Variants in SLC44A5 observed in about 807,000 individuals in gnomAD.
SLC44A5 encodes choline transporter-like protein 5.
SLC44A5 carries 57 observed loss-of-function variants against 101.8 expected under a neutral mutation model. The ratio of observed to expected loss-of-function variants is 0.56; its 90% CI spans 0.45 to 0.70. The LOEUF is 0.70. Among genes scored for constraint, SLC44A5 ranks in the 30% least tolerant of loss-of-function variants. SLC44A5 has a pLI of 0.00. For synonymous variants in SLC44A5, 281 were observed against 290.9 expected, an observed-to-expected ratio of 0.97 and a Z score of 0.35; for missense variants, 737 against 853.1, an observed-to-expected ratio of 0.86 and a Z score of 1.70.
At position 75,256,388 on chromosome 1, in the gene SLC44A5, A is replaced by C. The variant is rs549529360; in HGVS notation, c.261-5094T>G. On this transcript the variant is annotated intron_variant, in intron 6 of 23. Coordinates refer to ENST00000370859, the MANE Select transcript of SLC44A5 (RefSeq NM_001130058.2). ...CCAAGAAAAACCTTGTGGGTAAACAAAACATTATGTTAGAAAGTCACTATG... is the reference window on the plus strand; with the variant it reads ...CCAAGAAAAACCTTGTGGGTAAACACAACATTATGTTAGAAAGTCACTATG... Among the ~76,000 whole-genome samples the C allele has an allele frequency of 1.4e-3, 208 of 152,276 alleles. 1 individual carries two copies. The highest frequency in any genetic ancestry group is 3.1e-3 in the Admixed American group (47 of 15,300).
At chr1:75,238,385 CATATATATATATATATAT>C (rs71081318) in intron 10 of SLC44A5, 110 bp downstream of exon 10, 6 of 215,526 alleles carry the variant, frequency 2.8e-5, no homozygotes, top group African/African-American at 1.0e-4. Flanking sequence ...ACGTATATTT[CATATATATATATATATAT>C]ATATATATAT....
intron 5 of SLC44A5, among the ~76,000 whole-genome samples, chr1:75,295,395 G>A (rs540478406): frequency 6.6e-6 from 1 of 152,092 alleles, no homozygotes; most frequent in South Asian, 2.1e-4. Context: ...AGACTAACTT[G>A]CTTTAAGAGA....
chr1:75,616,915 C>T, the SLC44A5 span, among the ~76,000 whole-genome samples: 1 of 152,170 alleles, frequency 6.6e-6, no homozygotes, highest in African/African-American at 2.4e-5. Context: ...CCAGCAGAAA[C>T]TTGGTTACAG....
intron 15 of SLC44A5, 44 bp downstream of exon 15, chr1:75,219,756 T>C (rs1376842503): frequency 8.2e-7 from 1 of 1,216,354 alleles, no homozygotes; most frequent in Non-Finnish European, 1.2e-6. Context: ...TCACGAGTAG[T>C]CATGTGAACC....
chr1:75,203,695 A>G lies in SLC44A5; in HGVS notation c.*32T>C, dbSNP rs2100414523. On this transcript the variant is annotated 3_prime_UTR_variant, in exon 24 of 24. Coordinates refer to ENST00000370859, the MANE Select transcript of SLC44A5 (RefSeq NM_001130058.2). ...AGACACAGCAGATGGAGAAAAGGTA[A>G]CACACAGCTGTAGGACGACCAGTTT... The G allele has an allele frequency of 6.5e-7, 1 of 1,534,400 alleles. No individual in the cohort carries two copies. The highest frequency in any genetic ancestry group is 2.5e-5 in the East Asian group (1 of 40,454).
chr1:75,667,350 C>T, the SLC44A5 span, among the ~76,000 whole-genome samples: 1 of 151,966 alleles, frequency 6.6e-6, no homozygotes, highest in Non-Finnish European at 1.5e-5. Context: ...GAATAAAATA[C>T]CTAGGAATCC....
chr1:75,297,709 A>G (rs1654075831), intron 5 of SLC44A5, among the ~76,000 whole-genome samples: 1 of 152,234 alleles, frequency 6.6e-6, no homozygotes, highest in South Asian at 2.1e-4. Flanking sequence ...AATTAGTACA[A>G]TAATTGAATA....
chr1:75,614,386 T>C (rs150111284), upstream of SLC44A5, among the ~76,000 whole-genome samples: 91 of 152,348 alleles, frequency 6.0e-4, no homozygotes, highest in East Asian at 0.017. Context: ...TTGTCATACA[T>C]AGGTTATAAT....
chr1:75,204,349 A>T (rs1646713811), intron 23 of SLC44A5: 1 of 152,204 alleles, frequency 6.6e-6, no homozygotes, highest in Admixed American at 6.5e-5. Context: ...CTCAAAAACA[A>T]TGCTCATTTT....
chr1:75,277,383 A>G (rs1395038590), intron 5 of SLC44A5, among the ~76,000 whole-genome samples: 1 of 152,200 alleles, frequency 6.6e-6, no homozygotes. Context: ...TGAATGGTAT[A>G]GATAGCTGCA....
chr1:75,559,777 C>A (rs1014297642), intron 1 of SLC44A5, among the ~76,000 whole-genome samples: 4 of 151,980 alleles, frequency 2.6e-5, no homozygotes, highest in African/African-American at 7.2e-5. Flanking sequence ...AAAATACTTG[C>A]AAGTCATATA....
chr1:75,222,521 C>G, intron 13 of SLC44A5, 61 bp from the exon 14 acceptor site: 2 of 957,758 alleles, frequency 2.1e-6, no homozygotes, highest in East Asian at 4.9e-5. Context: ...CAAACCTTCC[C>G]TGCAAATGCT....
intron 1 of SLC44A5, among the ~76,000 whole-genome samples, chr1:75,594,810 T>C (rs993344034): frequency 2.0e-5 from 3 of 151,776 alleles, no homozygotes; most frequent in Admixed American, 6.6e-5. Flanking sequence ...AAAGAAAGAT[T>C]ATTAAACTAA....
chr1:75,239,566 C>T (rs1366159868), intron 9 of SLC44A5, among the ~76,000 whole-genome samples: 1 of 152,028 alleles, frequency 6.6e-6, no homozygotes, highest in African/African-American at 2.4e-5. Flanking sequence ...CACCTCTAGC[C>T]TCTGCTGCAC....
intron 1 of SLC44A5, among the ~76,000 whole-genome samples, chr1:75,580,473 C>A (rs1201409368): frequency 2.0e-5 from 3 of 152,156 alleles, no homozygotes; most frequent in Non-Finnish European, 4.4e-5. Context: ...CACATACAAA[C>A]AAGTTTGTTA....
At chr1:75,272,202 T>A (rs977139446) in intron 6 of SLC44A5, among the ~76,000 whole-genome samples, 3 of 152,168 alleles carry the variant, frequency 2.0e-5, no homozygotes, top group African/African-American at 7.2e-5. Context: ...TACTTGTAGA[T>A]TATGGACACT....
intron 2 of SLC44A5, among the ~76,000 whole-genome samples, chr1:75,518,863 G>T (rs1481794091): frequency 6.6e-6 from 1 of 152,182 alleles, no homozygotes; most frequent in African/African-American, 2.4e-5. Context: ...GACAGGGACA[G>T]GGAGTGAATG....
At chr1:75,460,567 T>C (rs1490827468) in intron 2 of SLC44A5, among the ~76,000 whole-genome samples, 3 of 151,944 alleles carry the variant, frequency 2.0e-5, no homozygotes, top group East Asian at 3.9e-4. Context: ...AATTCACATG[T>C]AATGTTGGTC....
At chr1:75,625,398 T>C in the SLC44A5 span, among the ~76,000 whole-genome samples, 18 of 152,116 alleles carry the variant, frequency 1.2e-4, no homozygotes, top group South Asian at 1.2e-3. Flanking sequence ...AAGATCCCTT[T>C]TCTCTAGGTG....
Sources: gnomAD v4.1 joint callset for allele counts (sites outside exome capture counted in the v4.1 genomes callset) on GRCh38, gnomAD v4.1.1 for gene constraint, MANE v1.5 for transcripts, NCBI Gene and HGNC (gene_info 2026-07-23, HGNC 2026-07-21) for gene names.